Variants in GAS7 observed in about 807,000 individuals in gnomAD.
The protein encoded by GAS7 is growth arrest-specific protein 7.
GAS7 carries 28 observed loss-of-function variants against 71.1 expected under a neutral mutation model. That is an observed-to-expected ratio of 0.39 (90% CI 0.29 to 0.54). GAS7 has a LOEUF of 0.54. Among genes scored for constraint, GAS7 ranks in the 20% least tolerant of loss-of-function variants. GAS7 has a pLI of 0.62. For synonymous variants in GAS7, 258 were observed against 245.8 expected (o/e 1.05, Z -0.46); for missense variants, 436 against 627.8 (o/e 0.69, Z 3.27).
At chr17:9,925,928 C>A (rs546269147) in intron 10 of GAS7, among the ~76,000 whole-genome samples, 1 of 152,222 alleles carries the variant, frequency 6.6e-6, no homozygotes, top group East Asian at 1.9e-4. Flanking sequence ...TGGAAGGGAC[C>A]ACAAAGGCCA....
intron 1 of GAS7, among the ~76,000 whole-genome samples, chr17:10,132,211 C>T (rs1275775075): frequency 6.6e-6 from 1 of 152,168 alleles, no homozygotes; most frequent in African/African-American, 2.4e-5. Context: ...TTTCACTTAC[C>T]CCTTTTGTTT....
At chr17:10,193,437 G>A (rs1210424032) in intron 1 of GAS7, among the ~76,000 whole-genome samples, 1 of 152,078 alleles carries the variant, frequency 6.6e-6, no homozygotes, top group East Asian at 1.9e-4. Context: ...GAGCTAGTCT[G>A]CAATATGGCC....
At chr17:9,980,236 C>G (rs1001937941) in intron 3 of GAS7, among the ~76,000 whole-genome samples, 1 of 152,174 alleles carries the variant, frequency 6.6e-6, no homozygotes, top group African/African-American at 2.4e-5. Context: ...TGTCATATGC[C>G]TAAGCAATAT....
rs1393625875 is a variant in GAS7, at chr17:10,014,999, C to CA, written c.304+4777dup. ...TGAAACCCTGTCTCTACTAAAAATA[C>CA]AAAAAAATAGCTGGGTGTGGTGGCG... On this transcript the variant is annotated intron_variant, in intron 2 of 13. Coordinates refer to ENST00000432992, the MANE Select transcript of GAS7 (RefSeq NM_201433.2). Among the ~76,000 whole-genome samples, 7 of 151,870 alleles carry CA rather than the reference C, an allele frequency of 4.6e-5. 1 individual carries two copies. The highest frequency in any genetic ancestry group is 3.4e-3 in the Middle Eastern group (1 of 294).
rs990238171 is a variant in GAS7 at position 9,916,944 on chromosome 17, A to G, written c.*284T>C. On this transcript the variant is annotated 3_prime_UTR_variant, in exon 14 of 14. Transcript: ENST00000432992. ...CCCTACAAAACTCGGCAAGGACCAC[A>G]AAGTTCCAGCCTCTGTTTGTTTCAG... The G allele has an allele frequency of 2.7e-5, 14 of 514,862 alleles. No homozygotes were observed. Among genetic ancestry groups the G allele is most frequent in the African/African-American group, 2.6e-4 (14 of 53,064 alleles). The allele number at this position is 514,862 out of a possible 1,614,324, so 31.9% of individuals were successfully genotyped here.
chr17:10,093,552 CAA>C (rs60319441), intron 1 of GAS7, among the ~76,000 whole-genome samples: 4 of 66,052 alleles, frequency 6.1e-5, no homozygotes, highest in Non-Finnish European at 1.1e-4. Flanking sequence ...GACTCCGTCT[CAA>C]AAAAAAAAAA....
Position 9,922,587 on chromosome 17 carries a change from G to T in GAS7, c.1139-2882C>A, listed in dbSNP as rs182499815. Among the ~76,000 whole-genome samples the T allele has an allele frequency of 2.4e-4, 37 of 152,332 alleles. No individual in the cohort carries two copies. The East Asian group carries it at 6.9e-3, about 29-fold the overall frequency. ...GGTATTTTTCAGAGTTAGGTCTAAG[G>T]ACTGTCACTTTCGTCACAAAATAAT... On this transcript the variant is annotated intron_variant, in intron 11 of 13. Coordinates refer to ENST00000432992, the MANE Select transcript of GAS7 (RefSeq NM_201433.2).
chr17:10,012,054 T>C (rs2071795774), intron 2 of GAS7, among the ~76,000 whole-genome samples: 1 of 151,718 alleles, frequency 6.6e-6, no homozygotes, highest in Admixed American at 6.6e-5. Context: ...ATAAAACTAC[T>C]GGATTTAGAG....
At chr17:10,192,602 G>T (rs1011613965) in intron 1 of GAS7, among the ~76,000 whole-genome samples, 1 of 152,176 alleles carries the variant, frequency 6.6e-6, no homozygotes, top group African/African-American at 2.4e-5. Context: ...GCGGTGAACA[G>T]ATGTCAGGGA....
intron 1 of GAS7, among the ~76,000 whole-genome samples, chr17:10,133,122 A>ATATATATATATAT (rs1392845338): frequency 1.2e-4 from 14 of 118,882 alleles, no homozygotes; most frequent in Admixed American, 3.3e-4. Flanking sequence ...ATATTTTTAT[A>ATATATATATATAT]TTTTTTTTTT....
rs2067727624 is a variant in GAS7 at position 9,919,765 on chromosome 17, C to T, written c.1139-60G>A. The T allele has an allele frequency of 1.6e-6, 2 of 1,238,526 alleles. No homozygotes were observed. Among genetic ancestry groups the T allele is most frequent in the African/African-American group, 1.5e-5 (1 of 67,704 alleles). The allele number at this position is 1,238,526 out of a possible 1,614,324, so 76.7% of individuals were successfully genotyped here. ...CCTATCCTCACCATGACTCTGTGCCCCACCCTGAGCCCCACAGCCAAGCCT... is the reference window on the plus strand; with the variant it reads ...CCTATCCTCACCATGACTCTGTGCCTCACCCTGAGCCCCACAGCCAAGCCT... On this transcript the variant is annotated intron_variant, in intron 11 of 13. Coordinates refer to ENST00000432992, the MANE Select transcript of GAS7 (RefSeq NM_201433.2). This position sits in a 1 kb window ranked among gnomAD's most constrained non-coding sequence, Gnocchi z 5.0.
intron 1 of GAS7, among the ~76,000 whole-genome samples, chr17:10,048,258 C>G (rs922206208): frequency 6.6e-6 from 1 of 152,196 alleles, no homozygotes; most frequent in Admixed American, 6.5e-5. Context: ...GCGGTGATCG[C>G]GCCATTGCAA....
intron 1 of GAS7, among the ~76,000 whole-genome samples, chr17:10,166,722 A>G (rs575955523): frequency 3.3e-5 from 5 of 152,334 alleles, no homozygotes; most frequent in Non-Finnish European, 5.9e-5. Context: ...AATTTTCCCT[A>G]TTCTGCTTAG....
chr17:9,936,248 T>C (rs972654265), intron 8 of GAS7, among the ~76,000 whole-genome samples: 1 of 152,158 alleles, frequency 6.6e-6, no homozygotes, highest in Non-Finnish European at 1.5e-5. Flanking sequence ...GAGAGGGGTT[T>C]GCCCCTGCAG....
At chr17:10,164,801 T>A (rs1205521649) in intron 1 of GAS7, among the ~76,000 whole-genome samples, 2 of 142,156 alleles carry the variant, frequency 1.4e-5, no homozygotes, top group Non-Finnish European at 3.0e-5. Flanking sequence ...AAGACAAGAC[T>A]GGGCAACATG....
intron 5 of GAS7, among the ~76,000 whole-genome samples, chr17:9,956,898 T>C (rs990430919): frequency 1.3e-5 from 2 of 152,106 alleles, no homozygotes; most frequent in Admixed American, 1.3e-4. Context: ...TGGGAAACCA[T>C]GAACTCTGGA....
At position 9,988,997 on chromosome 17, in the gene GAS7, T is replaced by C. The variant is rs371575508; in HGVS notation, c.305-7113A>G. 7.2e-4 allele frequency among the ~76,000 whole-genome samples: 110 copies of C among 152,160 alleles called. No homozygotes were observed. In the East Asian group the frequency reaches 0.014, roughly 19 times the overall value. The stretch of plus-strand genomic sequence containing the variant: ...CTGAAGAGCTGGGACTACAGGAGCC[T>C]GCCACCACGCCCGGCTAATTTTTTT... On this transcript the variant is annotated intron_variant, in intron 2 of 13. Transcript: ENST00000432992.
At chr17:9,989,800 T>C (rs536751801) in intron 2 of GAS7, among the ~76,000 whole-genome samples, 3 of 152,338 alleles carry the variant, frequency 2.0e-5, no homozygotes, top group African/African-American at 7.2e-5. Flanking sequence ...ACCCCCAATT[T>C]AACAGTTGGA....
At chr17:10,030,158 A>C (rs1165322337) in intron 1 of GAS7, among the ~76,000 whole-genome samples, 1 of 152,176 alleles carries the variant, frequency 6.6e-6, no homozygotes, top group Admixed American at 6.5e-5. Flanking sequence ...GGAGACCCAA[A>C]TCCCTGGTGC....
Sources: allele counts gnomAD v4.1 joint callset (sites outside exome capture counted in the v4.1 genomes callset), GRCh38; gene constraint gnomAD v4.1.1; non-coding constraint Gnocchi (gnomAD v3.1); transcripts MANE v1.5; gene names NCBI Gene and HGNC (gene_info 2026-07-23, HGNC 2026-07-21).